The following USP34 variants were observed in gnomAD, a reference collection of about 807,000 sequenced individuals.
The protein encoded by USP34 is ubiquitin specific peptidase 34.
USP34 carries 70 observed loss-of-function variants against 460.3 expected under a neutral mutation model. That is an observed-to-expected ratio of 0.15 (90% CI 0.13 to 0.19). The LOEUF is 0.19. Among genes scored for constraint, USP34 ranks in the 10% least tolerant of loss-of-function variants. The pLI, the probability that USP34 is intolerant of heterozygous loss-of-function variation, is 1.00. For synonymous variants in USP34, 1,647 were observed against 1,405.3 expected, an observed-to-expected ratio of 1.17 and a Z score of -3.85; for missense variants, 3,985 against 4,236.2, an observed-to-expected ratio of 0.94 and a Z score of 1.65.
chr2:61,225,223 T>G (rs1219379916), intron 62 of USP34, among the ~76,000 whole-genome samples: 1 of 152,164 alleles, frequency 6.6e-6, no homozygotes, highest in Non-Finnish European at 1.5e-5. Context: ...ATTTAATATT[T>G]TTATCTTTCT....
chr2:61,444,000 G>A (rs753224040), intron 1 of USP34, among the ~76,000 whole-genome samples: 2 of 152,180 alleles, frequency 1.3e-5, no homozygotes, highest in Non-Finnish European at 2.9e-5. Flanking sequence ...ACCAGGCAAG[G>A]TGGCTCATGC....
chr2:61,272,993 C>A (rs1311419786), intron 41 of USP34, among the ~76,000 whole-genome samples: 3 of 152,138 alleles, frequency 2.0e-5, no homozygotes, highest in African/African-American at 7.2e-5. Context: ...CTAAAGATAA[C>A]TGAAAACAGT....
At chr2:61,451,387 T>A (rs1695271568) in intron 1 of USP34, among the ~76,000 whole-genome samples, 1 of 151,282 alleles carries the variant, frequency 6.6e-6, no homozygotes, top group African/African-American at 2.4e-5. Context: ...ATAAATTCTG[T>A]ACAAGACAGA....
intron 75 of USP34, among the ~76,000 whole-genome samples, chr2:61,195,572 T>G (rs1686776512): frequency 6.6e-6 from 1 of 151,910 alleles, no homozygotes; most frequent in Non-Finnish European, 1.5e-5. Flanking sequence ...CTCAGGAGGC[T>G]GAGGCAGGAG....
intron 1 of USP34, among the ~76,000 whole-genome samples, chr2:61,465,131 C>T (rs1248450346): frequency 1.4e-5 from 2 of 146,828 alleles, no homozygotes; most frequent in African/African-American, 4.9e-5. Flanking sequence ...ACACTAAAGC[C>T]AAATATGATT....
At chr2:61,291,644 AAC>A (rs1157270942) in intron 33 of USP34, among the ~76,000 whole-genome samples, 2 of 152,196 alleles carry the variant, frequency 1.3e-5, no homozygotes, top group African/African-American at 4.8e-5. Flanking sequence ...ATGAATGGTC[AAC>A]AGACACATGA....
At chr2:61,347,519 G>T (rs1009689024) in intron 15 of USP34, among the ~76,000 whole-genome samples, 1 of 151,968 alleles carries the variant, frequency 6.6e-6, no homozygotes, top group Non-Finnish European at 1.5e-5. Context: ...GATTACAGGC[G>T]TGCACCACCA....
intron 29 of USP34, among the ~76,000 whole-genome samples, chr2:61,297,789 C>G (rs1424829682): frequency 6.6e-6 from 1 of 152,106 alleles, no homozygotes; most frequent in African/African-American, 2.4e-5. Flanking sequence ...GTAGCCCAGG[C>G]TGGAGTGCAA....
chr2:61,314,395 A>G (rs1690681745), intron 25 of USP34, among the ~76,000 whole-genome samples, 190 bp downstream of exon 25: 1 of 152,158 alleles, frequency 6.6e-6, no homozygotes, highest in Admixed American at 6.5e-5. Context: ...AGGAACCCGT[A>G]TTGCCTATTC....
At chr2:61,337,195 C>T (rs1691447149) in intron 18 of USP34, among the ~76,000 whole-genome samples, 1 of 151,994 alleles carries the variant, frequency 6.6e-6, no homozygotes, top group Admixed American at 6.6e-5. Flanking sequence ...TAGCTATTAC[C>T]CAGTCTACTA....
At chr2:61,437,998 T>C (rs892283489) in intron 1 of USP34, among the ~76,000 whole-genome samples, 3 of 151,500 alleles carry the variant, frequency 2.0e-5, no homozygotes, top group Non-Finnish European at 4.4e-5. Context: ...CTGAACTCAC[T>C]CTACAAGGCC....
intron 5 of USP34, among the ~76,000 whole-genome samples, chr2:61,394,189 G>A (rs1558568307): frequency 6.6e-6 from 1 of 152,018 alleles, no homozygotes; most frequent in Non-Finnish European, 1.5e-5. Flanking sequence ...ATACTCACAG[G>A]ATACAGAAGA....
Position 61,378,913 on chromosome 2 carries a change from G to GAAAAAAAAAAAAAAAAA in USP34, c.1015-506_1015-490dup, listed in dbSNP as rs34463913. ...GAGTGAGAGTCCATCTCAAAAAAAC[G>GAAAAAAAAAAAAAAAAA]AAAAAAAAAAAAAAAAAAAAAAAAC... On this transcript the variant is annotated intron_variant, in intron 7 of 79. Coordinates refer to ENST00000398571, the MANE Select transcript of USP34 (RefSeq NM_014709.4). Among the ~76,000 whole-genome samples, 8 of 57,872 alleles carry GAAAAAAAAAAAAAAAAA rather than the reference G, an allele frequency of 1.4e-4. 1 individual carries two copies. The highest frequency in any genetic ancestry group is 7.0e-4 in the East Asian group (1 of 1,426). 38.0% of individuals were successfully genotyped at this position (57,872 alleles called of 152,430 possible). A position where few individuals can be genotyped will look rare whatever the true frequency, so the allele number is the denominator to read the frequency against.
At chr2:61,275,422 G>C (rs1179628863) in intron 41 of USP34, among the ~76,000 whole-genome samples, 1 of 152,156 alleles carries the variant, frequency 6.6e-6, no homozygotes, top group African/African-American at 2.4e-5. Context: ...TTTAAGAACA[G>C]CCTGGGCAAC....
Position 61,395,226 on chromosome 2 carries a change from G to T in USP34, c.560C>A (p.Ser187Ter). The change falls in exon 4 of 80, where the codon TCA becomes TAA. Residue 187 changes from serine to a stop codon, truncating the protein, a stop_gained. Transcript: ENST00000398571. LOFTEE classifies it high-confidence loss of function. The part of the protein sequence containing the change: ...HNTHPTIEDI[S>*]TQESNILGAF... ...CCCTAATATGTTACTTTCTTGAGTT[G>T]ATATATCCTAATTAAAAAAAAAAAA... 2.8e-6 allele frequency: 4 copies of T among 1,452,306 alleles called. No individual in the cohort carries two copies. The highest frequency in any genetic ancestry group is 2.4e-5 in the South Asian group (2 of 81,668). The allele number at this position is 1,452,306 out of a possible 1,614,324, so 90.0% of individuals were successfully genotyped here.
At chr2:61,467,666 C>T (rs1215656066) in intron 1 of USP34, among the ~76,000 whole-genome samples, 1 of 121,482 alleles carries the variant, frequency 8.2e-6, no homozygotes, top group East Asian at 2.6e-4. Flanking sequence ...GTGGCCGAGG[C>T]TGGAGTGCAG....
chr2:61,399,874 C>CAAAAAAAAAAAAAAA (rs529141667), intron 3 of USP34, among the ~76,000 whole-genome samples: 1,271 of 69,412 alleles, frequency 0.018, 123 homozygotes, highest in Non-Finnish European at 0.025. Context: ...CACTGTCTCC[C>CAAAAAAAAAAAAAAA]AAAAAAAAAA....
chr2:61,201,473 A>G lies in USP34; in HGVS notation c.9508+1667T>C, dbSNP rs1332554296. On this transcript the variant is annotated intron_variant, in intron 75 of 79. Transcript: ENST00000398571. ...CGTGATCCGCCCGCCTTGGCCTCCC[A>G]AAGTGCTGGGATTACAAGCGTGAGC... Among the ~76,000 whole-genome samples the G allele has an allele frequency of 2.0e-5, 3 of 152,264 alleles. No individual in the cohort carries two copies. In the East Asian group the frequency reaches 5.8e-4, roughly 29 times the overall value.
intron 9 of USP34, 33 bp from the exon 10 acceptor site, chr2:61,370,446 A>G (rs1658526277): frequency 6.2e-7 from 1 of 1,613,024 alleles, no homozygotes; most frequent in African/African-American, 1.3e-5. Context: ...CAATTTTTAA[A>G]AATATTCTTC....
Sources: gnomAD v4.1 joint callset for allele counts (sites outside exome capture counted in the v4.1 genomes callset) on GRCh38, gnomAD v4.1.1 for gene constraint, MANE v1.5 for transcripts, NCBI Gene and HGNC (gene_info 2026-07-23, HGNC 2026-07-21) for gene names.